Variants in CCDC85A observed in about 807,000 individuals in gnomAD.
The protein encoded by CCDC85A is coiled-coil domain containing 85A, also known as coiled-coil domain-containing protein 85A.
A neutral mutation model predicts 50.2 loss-of-function variants in CCDC85A; 38 were observed. That is an observed-to-expected ratio of 0.76 (90% CI 0.58 to 0.99). The LOEUF is 0.99. Ranked by LOEUF, CCDC85A falls within the 50% of genes least tolerant of loss-of-function variation. The pLI is 0.00. For missense variants in CCDC85A, 820 were observed against 742.0 expected, an observed-to-expected ratio of 1.11 and a Z score of -1.22; for synonymous variants, 366 against 301.4, an observed-to-expected ratio of 1.21 and a Z score of -2.22.
At chr2:56,318,977 C>G (rs12053439) in intron 2 of CCDC85A, among the ~76,000 whole-genome samples, 16,449 of 151,988 alleles carry the variant, frequency 0.11, 1,091 homozygotes, top group East Asian at 0.33. Context: ...AGATTGTGCA[C>G]CAATGATGAT....
At chr2:56,204,701 A>T (rs1676889849) in intron 2 of CCDC85A, among the ~76,000 whole-genome samples, 1 of 152,170 alleles carries the variant, frequency 6.6e-6, no homozygotes, top group African/African-American at 2.4e-5. Context: ...CAATGAGGAT[A>T]TGTTTGTTCG....
chr2:56,226,360 T>C (rs1349070194), intron 2 of CCDC85A, among the ~76,000 whole-genome samples: 1 of 152,196 alleles, frequency 6.6e-6, no homozygotes, highest in Non-Finnish European at 1.5e-5. Context: ...AGTGCCTGGA[T>C]CATAGTAGAT....
chr2:56,190,603 G>A (rs1676253511), intron 1 of CCDC85A, among the ~76,000 whole-genome samples: 1 of 152,210 alleles, frequency 6.6e-6, no homozygotes, highest in African/African-American at 2.4e-5. Context: ...CTTATAAAAT[G>A]AGACCTGATG....
intron 2 of CCDC85A, among the ~76,000 whole-genome samples, chr2:56,282,762 G>A (rs1186634708): frequency 6.6e-6 from 1 of 152,116 alleles, no homozygotes; most frequent in Admixed American, 6.5e-5. Flanking sequence ...CTCTCGCCTC[G>A]GCCTCCCAGA....
At chr2:56,289,098 G>A (rs2104136730) in intron 2 of CCDC85A, among the ~76,000 whole-genome samples, 1 of 152,266 alleles carries the variant, frequency 6.6e-6, no homozygotes, top group South Asian at 2.1e-4. Context: ...GCTGTAGTTA[G>A]CATGCCAAAT....
chr2:56,354,869 A>G (rs973438307), intron 3 of CCDC85A, among the ~76,000 whole-genome samples: 1 of 152,180 alleles, frequency 6.6e-6, no homozygotes, highest in Non-Finnish European at 1.5e-5. Flanking sequence ...ATCAATAATC[A>G]ATGGAGTCTT....
chr2:56,356,302 T>C (rs1675222574), intron 3 of CCDC85A, among the ~76,000 whole-genome samples: 1 of 152,366 alleles, frequency 6.6e-6, no homozygotes, highest in Admixed American at 6.5e-5. Flanking sequence ...TTATCAACTT[T>C]GTATTTTGCA....
intron 2 of CCDC85A, among the ~76,000 whole-genome samples, chr2:56,236,231 C>T (rs1043090515): frequency 2.6e-5 from 4 of 152,144 alleles, no homozygotes; most frequent in African/African-American, 9.7e-5. Context: ...AGTGAGCACT[C>T]TAGTGTCATA....
chr2:56,203,612 G>A (rs75269199), intron 2 of CCDC85A, among the ~76,000 whole-genome samples: 216 of 152,204 alleles, frequency 1.4e-3, no homozygotes, highest in African/African-American at 5.0e-3. Flanking sequence ...GAAAAAGGGA[G>A]CTAAGCTGGT....
chr2:56,330,765 C>T (rs891736261), intron 2 of CCDC85A, among the ~76,000 whole-genome samples: 1 of 152,148 alleles, frequency 6.6e-6, no homozygotes, highest in Non-Finnish European at 1.5e-5. Context: ...CACTTATGTA[C>T]TGTTCGTGGG....
chr2:56,292,326 A>G (rs969386350), intron 2 of CCDC85A, among the ~76,000 whole-genome samples: 7 of 151,852 alleles, frequency 4.6e-5, no homozygotes, highest in Admixed American at 1.3e-4. Flanking sequence ...CTCGTGATCC[A>G]CCCGCCTCGG....
At chr2:56,347,882 G>A (rs1001775703) in intron 3 of CCDC85A, among the ~76,000 whole-genome samples, 7 of 152,114 alleles carry the variant, frequency 4.6e-5, no homozygotes, top group African/African-American at 1.7e-4. Context: ...TCCAGACATA[G>A]TCGATATGTT....
At chr2:56,301,144 A>AT (rs1672184321) in intron 2 of CCDC85A, among the ~76,000 whole-genome samples, 1 of 152,202 alleles carries the variant, frequency 6.6e-6, no homozygotes, top group Non-Finnish European at 1.5e-5. Context: ...TTGAAATAAT[A>AT]AGAATTTTTC....
chr2:56,337,953 T>A (rs1323413832), intron 2 of CCDC85A, among the ~76,000 whole-genome samples: 1 of 151,922 alleles, frequency 6.6e-6, no homozygotes, highest in Admixed American at 6.6e-5. Context: ...CCCGGCTAAT[T>A]TTTGTATTTT....
chr2:56,228,699 A>AT (rs1266824404), intron 2 of CCDC85A, among the ~76,000 whole-genome samples: 1 of 151,638 alleles, frequency 6.6e-6, no homozygotes, highest in African/African-American at 2.4e-5. Flanking sequence ...TGCCTGGCTA[A>AT]TTTTTTTGTG....
At chr2:56,366,382 A>C (rs1675795131) in intron 3 of CCDC85A, among the ~76,000 whole-genome samples, 1 of 152,172 alleles carries the variant, frequency 6.6e-6, no homozygotes, top group Non-Finnish European at 1.5e-5. Flanking sequence ...AGCAGTGTGC[A>C]AGGGTTCCCA....
At chr2:56,231,003 C>G (rs1158926352) in intron 2 of CCDC85A, among the ~76,000 whole-genome samples, 2 of 152,132 alleles carry the variant, frequency 1.3e-5, no homozygotes, top group Non-Finnish European at 2.9e-5. Context: ...TTTCTTACAT[C>G]TTAGTATTGC....
chr2:56,291,276 C>T (rs962071072), intron 2 of CCDC85A, among the ~76,000 whole-genome samples: 1 of 152,136 alleles, frequency 6.6e-6, no homozygotes, highest in East Asian at 1.9e-4. Flanking sequence ...ATTTATTCAT[C>T]TATTAGTCAA....
chr2:56,278,936 G>A (rs1671082523), intron 2 of CCDC85A, among the ~76,000 whole-genome samples: 1 of 152,140 alleles, frequency 6.6e-6, no homozygotes, highest in Non-Finnish European at 1.5e-5. Flanking sequence ...GTGTGTGTTA[G>A]GGATCAACAG....
Sources: allele counts gnomAD v4.1 joint callset (sites outside exome capture counted in the v4.1 genomes callset), GRCh38; gene constraint gnomAD v4.1.1; transcripts MANE v1.5; gene names NCBI Gene and HGNC (gene_info 2026-07-23, HGNC 2026-07-21).